Variants in FHIT observed in about 807,000 individuals in gnomAD.
FHIT encodes bis(5'-adenosyl)-triphosphatase.
FHIT carries 19 observed loss-of-function variants against 17.9 expected under a neutral mutation model. The observed-to-expected ratio is 1.06, with a 90% confidence interval of 0.74 to 1.56. The LOEUF (loss-of-function observed/expected upper bound fraction) is 1.56, where lower values mean the gene tolerates loss of function less well. Among genes scored for constraint, FHIT ranks in the 40% most tolerant of loss-of-function variants. FHIT has a pLI of 0.00. For missense variants in FHIT, 248 were observed against 189.2 expected, an observed-to-expected ratio of 1.31 and a Z score of -1.82; for synonymous variants, 81 against 69.7, an observed-to-expected ratio of 1.16 and a Z score of -0.81.
chr3:60,828,433 G>A (rs1429276325), intron 3 of FHIT, among the ~76,000 whole-genome samples: 4 of 152,048 alleles, frequency 2.6e-5, no homozygotes, highest in African/African-American at 9.7e-5. Context: ...ATTTAACAAA[G>A]TATTTATACT....
intron 2 of FHIT, among the ~76,000 whole-genome samples, chr3:61,092,287 G>A (rs2035509925): frequency 6.6e-6 from 1 of 152,216 alleles, no homozygotes; most frequent in East Asian, 1.9e-4. Flanking sequence ...CAGATACTGA[G>A]CAGGTACATA....
intron 7 of FHIT, among the ~76,000 whole-genome samples, chr3:59,967,253 T>C (rs1324092491): frequency 6.6e-6 from 1 of 152,126 alleles, no homozygotes; most frequent in Non-Finnish European, 1.5e-5. Context: ...GTTATCTTTT[T>C]AAAAAAATAA....
chr3:60,129,049 G>GTTTTTTTTTTTTTTTTTTTT (rs1553692328), intron 5 of FHIT, among the ~76,000 whole-genome samples: 7 of 121,042 alleles, frequency 5.8e-5, no homozygotes, highest in Non-Finnish European at 8.1e-5. Flanking sequence ...TTCCTTTTTT[G>GTTTTTTTTTTTTTTTTTTTT]TTTGTTTTTT....
chr3:60,925,272 T>A (rs1196721174), intron 3 of FHIT, among the ~76,000 whole-genome samples: 2 of 151,900 alleles, frequency 1.3e-5, no homozygotes, highest in Non-Finnish European at 2.9e-5. Flanking sequence ...TTCAACAAAG[T>A]TGAAATGAAG....
At chr3:61,240,653 T>C (rs2040352658) in intron 1 of FHIT, among the ~76,000 whole-genome samples, 1 of 152,224 alleles carries the variant, frequency 6.6e-6, no homozygotes. Context: ...ATCTGGGATC[T>C]TTAAGGTAAC....
At position 60,442,987 on chromosome 3, in the gene FHIT, A is replaced by C. The variant is rs372355346; in HGVS notation, c.103+93873T>G. Among the ~76,000 whole-genome samples, 1,404 of 151,988 alleles carry C rather than the reference A, an allele frequency of 9.2e-3. 15 individuals carry two copies. The highest frequency in any genetic ancestry group is 0.028 in the East Asian group (146 of 5,130). On this transcript the variant is annotated intron_variant, in intron 5 of 9. Transcript: ENST00000492590. ...GTAGTTCTCCTTGAAGAGGTCCTTCACATCCCTTGTAAGTTGGATTCCTAG... is the reference window on the plus strand; with the variant it reads ...GTAGTTCTCCTTGAAGAGGTCCTTCCCATCCCTTGTAAGTTGGATTCCTAG...
At chr3:60,103,483 A>G (rs1704277748) in intron 5 of FHIT, among the ~76,000 whole-genome samples, 1 of 152,220 alleles carries the variant, frequency 6.6e-6, no homozygotes, top group Admixed American at 6.5e-5. Flanking sequence ...AAATGACAGG[A>G]TAAAAAGGGA....
intron 4 of FHIT, among the ~76,000 whole-genome samples, chr3:60,698,689 T>C (rs1206759576): frequency 6.6e-6 from 1 of 152,204 alleles, no homozygotes; most frequent in Non-Finnish European, 1.5e-5. Context: ...CCATGCTTTC[T>C]TCACTGAGTC....
At chr3:60,689,025 G>C (rs545909652) in intron 4 of FHIT, among the ~76,000 whole-genome samples, 9 of 152,200 alleles carry the variant, frequency 5.9e-5, no homozygotes, top group Non-Finnish European at 1.3e-4. Context: ...GAGGGACTTG[G>C]TGGAAGACAA....
chr3:60,812,244 C>A (rs1701592737), intron 4 of FHIT, among the ~76,000 whole-genome samples: 2 of 151,090 alleles, frequency 1.3e-5, no homozygotes, highest in African/African-American at 4.9e-5. Context: ...CTCACTGCAA[C>A]CTCTGCTTCC....
At chr3:60,967,433 G>A (rs1275885694) in intron 3 of FHIT, among the ~76,000 whole-genome samples, 1 of 152,110 alleles carries the variant, frequency 6.6e-6, no homozygotes, top group African/African-American at 2.4e-5. Context: ...ATTAACCATG[G>A]TTTCAATATT....
At position 60,039,580 on chromosome 3, in the gene FHIT, T is replaced by C. The variant is rs79627127; in HGVS notation, c.104-25428A>G. Among the ~76,000 whole-genome samples the C allele has an allele frequency of 8.2e-3, 1,242 of 152,302 alleles. 15 individuals carry two copies. Among genetic ancestry groups the C allele is most frequent in the African/African-American group, 0.029 (1,185 of 41,550 alleles). Reference sequence around the variant, plus strand: ...ATTGAGAGCTGGATTATCACTAAGATTGTATGTATAAAGATGCACTAAATA... The same window carrying C: ...ATTGAGAGCTGGATTATCACTAAGACTGTATGTATAAAGATGCACTAAATA... On this transcript the variant is annotated intron_variant, in intron 5 of 9. Transcript: ENST00000492590.
At chr3:60,052,248 C>A (rs774989577) in intron 5 of FHIT, among the ~76,000 whole-genome samples, 6 of 152,116 alleles carry the variant, frequency 3.9e-5, no homozygotes, top group African/African-American at 7.2e-5. Flanking sequence ...TTAATTCTAG[C>A]AGGAATCAGA....
intron 7 of FHIT, among the ~76,000 whole-genome samples, chr3:59,959,058 G>A (rs1471439210): frequency 6.6e-6 from 1 of 152,074 alleles, no homozygotes; most frequent in Non-Finnish European, 1.5e-5. Context: ...TGACCTCCAG[G>A]GTCCTCTCCC....
chr3:60,831,709 G>A (rs1420645576), intron 3 of FHIT, among the ~76,000 whole-genome samples: 1 of 151,946 alleles, frequency 6.6e-6, no homozygotes, highest in Non-Finnish European at 1.5e-5. Flanking sequence ...ACCTATGAGG[G>A]AGACACCACA....
At chr3:60,013,918 G>T in intron 6 of FHIT, 89 bp downstream of exon 6, 1 of 1,301,212 alleles carries the variant, frequency 7.7e-7, no homozygotes, top group Non-Finnish European at 1.1e-6. Context: ...AATCACATCT[G>T]CCCTCCTGGT....
chr3:60,100,250 G>T (rs1395777414), intron 5 of FHIT, among the ~76,000 whole-genome samples: 1 of 152,106 alleles, frequency 6.6e-6, no homozygotes, highest in Non-Finnish European at 1.5e-5. Flanking sequence ...CAGGCATGGT[G>T]GTGGACGCCT....
intron 8 of FHIT, among the ~76,000 whole-genome samples, chr3:59,841,690 G>A (rs2605432): frequency 0.96 from 145,745 of 152,162 alleles, 70,113 homozygotes; most frequent in East Asian, 1. Flanking sequence ...CCCAACCCAT[G>A]ACACACGGGT....
rs1575565924 is a variant in FHIT at position 59,834,234 on chromosome 3, C to T, written c.349-81913G>A. The stretch of plus-strand genomic sequence containing the variant: ...AGGTGATTTCTGACTCCAGTGTTCT[C>T]CTGTACATCACAGAAAAATCCATTG... On this transcript the variant is annotated intron_variant, in intron 8 of 9. Transcript: ENST00000492590. Among the ~76,000 whole-genome samples, 3 of 152,220 alleles carry T rather than the reference C, an allele frequency of 2.0e-5. No individual in the cohort carries two copies. The South Asian group carries it at 6.2e-4, about 32-fold the overall frequency.
Sources: allele counts gnomAD v4.1 joint callset (sites outside exome capture counted in the v4.1 genomes callset), GRCh38; gene constraint gnomAD v4.1.1; transcripts MANE v1.5; gene names NCBI Gene and HGNC (gene_info 2026-07-23, HGNC 2026-07-21).